Variants in SORCS1 observed in about 807,000 individuals in gnomAD.
SORCS1 encodes sortilin related VPS10 domain containing receptor 1, also known as VPS10 domain-containing receptor SorCS1.
A neutral mutation model predicts 146.1 loss-of-function variants in SORCS1; 60 were observed. That is an observed-to-expected ratio of 0.41 (90% CI 0.33 to 0.51). The LOEUF is 0.51. SORCS1 is among the 20% of genes least tolerant of loss of function. SORCS1 has a pLI of 0.21. For missense variants in SORCS1, 1,352 were observed against 1,487.6 expected (o/e 0.91, Z 1.50); for synonymous variants, 637 against 584.0 (o/e 1.09, Z -1.31).
At chr10:106,821,353 G>A (rs1948013505) in intron 3 of SORCS1, among the ~76,000 whole-genome samples, 1 of 152,014 alleles carries the variant, frequency 6.6e-6, no homozygotes, top group Non-Finnish European at 1.5e-5. Flanking sequence ...AGATTTATAG[G>A]TGGACCTATC....
At chr10:106,994,063 CAAAA>C (rs67408221) in intron 1 of SORCS1, among the ~76,000 whole-genome samples, 2,172 of 80,810 alleles carry the variant, frequency 0.027, 79 homozygotes, top group African/African-American at 0.11. Context: ...GACCCCATCT[CAAAA>C]AAAAAAAAAA....
At chr10:106,812,243 G>A (rs948882808) in intron 3 of SORCS1, among the ~76,000 whole-genome samples, 4 of 152,042 alleles carry the variant, frequency 2.6e-5, no homozygotes, top group South Asian at 4.2e-4. Flanking sequence ...CTCATGATCC[G>A]CCCGCCTCGG....
upstream of SORCS1, among the ~76,000 whole-genome samples, chr10:107,169,609 C>T (rs1970116025): frequency 6.6e-6 from 1 of 152,188 alleles, no homozygotes; most frequent in South Asian, 2.1e-4. Context: ...TGTGTACCCT[C>T]TGTCTCATCA....
intron 17 of SORCS1, 97 bp from the exon 18 acceptor site, chr10:106,652,650 T>G (rs1473787481): frequency 7.3e-7 from 1 of 1,362,586 alleles, no homozygotes; most frequent in Non-Finnish European, 1.0e-6. Context: ...CTGAGGACCA[T>G]CAGTAAGCAC....
the SORCS1 span, among the ~76,000 whole-genome samples, chr10:107,171,150 G>T: frequency 3.3e-5 from 5 of 152,172 alleles, no homozygotes; most frequent in Non-Finnish European, 7.3e-5. Flanking sequence ...TGCTTCTCTA[G>T]ATGGGAGACA....
intron 1 of SORCS1, among the ~76,000 whole-genome samples, chr10:106,959,235 C>T (rs1955107910): frequency 6.6e-6 from 1 of 152,202 alleles, no homozygotes. Context: ...CAGTGATACA[C>T]TCAGGCAGTT....
intron 4 of SORCS1, among the ~76,000 whole-genome samples, chr10:106,772,564 T>C (rs1860108116): frequency 2.0e-5 from 3 of 152,094 alleles, no homozygotes; most frequent in Non-Finnish European, 1.5e-5. Context: ...ACCACCTAGA[T>C]GTTGAATATC....
intron 1 of SORCS1, among the ~76,000 whole-genome samples, chr10:107,022,610 C>T (rs574787974): frequency 3.4e-4 from 51 of 152,134 alleles, no homozygotes; most frequent in East Asian, 5.8e-4. Context: ...AATAAGGCAG[C>T]GGACACAGGT....
rs529828006 is a variant in SORCS1 at position 106,902,922 on chromosome 10, C to T, written c.626+53591G>A. ...TGAAACCGTGCCTCTACTAAAAATA[C>T]AAAAAATTATCCAGGTGTGATGGCA... On this transcript the variant is annotated intron_variant, in intron 2 of 25. Coordinates refer to ENST00000263054, the MANE Select transcript of SORCS1 (RefSeq NM_052918.5). Among the ~76,000 whole-genome samples, 4 of 152,180 alleles carry T rather than the reference C, an allele frequency of 2.6e-5. No individual in the cohort carries two copies. In the South Asian group the frequency reaches 6.2e-4, roughly 24 times the overall value.
intron 18 of SORCS1, among the ~76,000 whole-genome samples, chr10:106,638,966 C>T (rs1160320159): frequency 6.6e-6 from 1 of 152,130 alleles, no homozygotes; most frequent in Non-Finnish European, 1.5e-5. Context: ...TTGTTATTGG[C>T]ATTATTGTGC....
intron 4 of SORCS1, among the ~76,000 whole-genome samples, chr10:106,771,443 C>G (rs1358018725): frequency 1.3e-5 from 2 of 152,166 alleles, no homozygotes; most frequent in Non-Finnish European, 2.9e-5. Context: ...GGGTGGTTTC[C>G]TGTATTGAGG....
intron 3 of SORCS1, among the ~76,000 whole-genome samples, chr10:106,791,078 T>C (rs1365860733): frequency 5.3e-5 from 8 of 152,198 alleles, no homozygotes; most frequent in Admixed American, 5.2e-4. Flanking sequence ...CATAAATGTT[T>C]ATGGGTGTCA....
intron 5 of SORCS1, among the ~76,000 whole-genome samples, chr10:106,751,897 A>T (rs952993685): frequency 5.3e-5 from 8 of 152,198 alleles, no homozygotes; most frequent in Admixed American, 4.6e-4. Flanking sequence ...GAAATATGTT[A>T]AAGGCAGAGC....
At position 106,654,970 on chromosome 10, in the gene SORCS1, C is replaced by T. The variant is rs367967363; in HGVS notation, c.2304-2417G>A. 9.2e-5 allele frequency among the ~76,000 whole-genome samples: 14 copies of T among 152,196 alleles called. No individual in the cohort carries two copies. The East Asian group carries it at 2.3e-3, about 25-fold the overall frequency. ...CTCCTGGGTTCAAGCGATTCTCTCG[C>T]CTCAGCCATCCAAGTAGCTGGGATT... On this transcript the variant is annotated intron_variant, in intron 17 of 25. Coordinates refer to ENST00000263054, the MANE Select transcript of SORCS1 (RefSeq NM_052918.5).
chr10:106,958,571 A>T (rs79005371), intron 1 of SORCS1, among the ~76,000 whole-genome samples: 1 of 152,184 alleles, frequency 6.6e-6, no homozygotes, highest in Non-Finnish European at 1.5e-5. Flanking sequence ...GGAAAAAAAA[A>T]TTACAGTAAC....
At chr10:106,956,620 T>C (rs747171289) in intron 1 of SORCS1, 40 bp from the exon 2 acceptor site, 1 of 1,569,964 alleles carries the variant, frequency 6.4e-7, no homozygotes, top group South Asian at 1.1e-5. Context: ...TCTCAAACAA[T>C]TACAATCTCT....
intron 1 of SORCS1, among the ~76,000 whole-genome samples, chr10:107,046,876 G>C (rs1392724924): frequency 6.6e-6 from 1 of 152,204 alleles, no homozygotes; most frequent in Non-Finnish European, 1.5e-5. Flanking sequence ...AGAAGGCTTG[G>C]TATTTCATAA....
chr10:106,709,196 C>A, intron 7 of SORCS1, 27 bp downstream of exon 7: 1 of 1,530,554 alleles, frequency 6.5e-7, no homozygotes, highest in Non-Finnish European at 9.0e-7. Flanking sequence ...GTTTCTGAGA[C>A]AATCAACAGA....
Position 106,672,739 on chromosome 10 carries a change from T to A in SORCS1, c.2058+129A>T, listed in dbSNP as rs547000312. 1.8e-5 allele frequency: 13 copies of A among 710,956 alleles called. 1 individual carries two copies. In the South Asian group the frequency reaches 2.1e-4, roughly 11 times the overall value. The allele number at this position is 710,956 out of a possible 1,614,324, so 44.0% of individuals were successfully genotyped here. A position where few individuals can be genotyped will look rare whatever the true frequency, so the allele number is the denominator to read the frequency against. On this transcript the variant is annotated intron_variant, in intron 15 of 25. Transcript: ENST00000263054. The stretch of plus-strand genomic sequence containing the variant: ...TTTGTTCACTGCTGTGGAACACAAA[T>A]GTGTAAGAAAACAGTAGATGGACAT...
Sources: allele counts gnomAD v4.1 joint callset (sites outside exome capture counted in the v4.1 genomes callset), GRCh38; gene constraint gnomAD v4.1.1; transcripts MANE v1.5; gene names NCBI Gene and HGNC (gene_info 2026-07-23, HGNC 2026-07-21).